The following RBFOX1 variants were observed in gnomAD, a reference collection of about 807,000 sequenced individuals.
The protein encoded by RBFOX1 is RNA binding fox-1 homolog 1.
In RBFOX1, 8 loss-of-function variants were observed where a neutral mutation model predicts 57.7. The observed-to-expected ratio is 0.14, with a 90% confidence interval of 0.08 to 0.25. RBFOX1 has a LOEUF of 0.25. RBFOX1 is among the 10% of genes least tolerant of loss of function. The pLI, the probability that RBFOX1 is intolerant of heterozygous loss-of-function variation, is 1.00. For missense variants in RBFOX1, 611 were observed against 548.5 expected, an observed-to-expected ratio of 1.11 and a Z score of -1.14; for synonymous variants, 326 against 222.4, an observed-to-expected ratio of 1.47 and a Z score of -4.15.
Position 7,417,289 on chromosome 16 carries a change from C to G in RBFOX1, c.28-100858C>G, listed in dbSNP as rs181522393. On this transcript the variant is annotated intron_variant, in intron 4 of 15. Coordinates refer to ENST00000550418, the MANE Select transcript of RBFOX1 (RefSeq NM_018723.4). ...TTAGGAAACTGAGACAGGGGAATCACTTGAACCTGGGAGGTGGAGGTTGCA... is the reference window on the plus strand; with the variant it reads ...TTAGGAAACTGAGACAGGGGAATCAGTTGAACCTGGGAGGTGGAGGTTGCA... Among the ~76,000 whole-genome samples, 47 of 149,216 alleles carry G rather than the reference C, an allele frequency of 3.1e-4. 1 individual carries two copies. The highest frequency in any genetic ancestry group is 3.1e-4 in the Non-Finnish European group (21 of 67,708).
chr16:7,518,716 A>G (rs1013943981), intron 5 of RBFOX1, among the ~76,000 whole-genome samples: 3 of 152,178 alleles, frequency 2.0e-5, no homozygotes, highest in Admixed American at 1.3e-4. Flanking sequence ...TTGATGTAAG[A>G]TAATTTTTCT....
rs575362604 is a variant in RBFOX1, at chr16:6,118,907, A to T, written c.-127+98915A>T. Among the ~76,000 whole-genome samples the T allele has an allele frequency of 6.8e-3, 1,036 of 151,838 alleles. 14 individuals carry two copies. The highest frequency in any genetic ancestry group is 0.024 in the African/African-American group (997 of 41,378). ...CATGACCTAATCATCTCCCAATACC[A>T]TCACATTAGTGATTAGGTTTCAACA... On this transcript the variant is annotated intron_variant, in intron 1 of 15. Coordinates refer to ENST00000550418, the MANE Select transcript of RBFOX1 (RefSeq NM_018723.4).
intron 3 of RBFOX1, among the ~76,000 whole-genome samples, chr16:6,930,379 C>T (rs750949180): frequency 3.9e-5 from 6 of 152,054 alleles, no homozygotes; most frequent in African/African-American, 1.2e-4. Flanking sequence ...CAATGAGATA[C>T]CACCTCACAC....
At chr16:7,308,667 C>T (rs1286195074) in intron 4 of RBFOX1, among the ~76,000 whole-genome samples, 2 of 152,146 alleles carry the variant, frequency 1.3e-5, no homozygotes, top group South Asian at 2.1e-4. Flanking sequence ...ATCTTCAGAT[C>T]GAAAGCAATT....
At chr16:5,955,326 TAAAA>T (rs1567187579) in intron 4 of RBFOX1, among the ~76,000 whole-genome samples, 1,136 of 62,898 alleles carry the variant, frequency 0.018, 52 homozygotes, top group Middle Eastern at 0.078. Context: ...TAAAATAAAA[TAAAA>T]TAAAATAAAA....
chr16:6,506,263 G>C (rs899899857), intron 2 of RBFOX1, among the ~76,000 whole-genome samples: 1 of 152,136 alleles, frequency 6.6e-6, no homozygotes, highest in African/African-American at 2.4e-5. Context: ...TGTGGGATGG[G>C]GGAGAGAATA....
intron 3 of RBFOX1, among the ~76,000 whole-genome samples, chr16:6,920,538 C>G (rs561881565): frequency 5.3e-4 from 81 of 152,294 alleles, no homozygotes; most frequent in African/African-American, 1.8e-3. Context: ...AAATGACCAG[C>G]TAGTGGCAGG....
intron 4 of RBFOX1, among the ~76,000 whole-genome samples, chr16:7,285,662 A>T (rs557982016): frequency 6.6e-6 from 1 of 151,870 alleles, no homozygotes; most frequent in Non-Finnish European, 1.5e-5. Context: ...ACATTTTTTG[A>T]TCAACGTAAT....
intron 4 of RBFOX1, among the ~76,000 whole-genome samples, chr16:7,342,144 C>T (rs117230827): frequency 6.6e-6 from 1 of 152,178 alleles, no homozygotes; most frequent in Non-Finnish European, 1.5e-5. Flanking sequence ...AAACCTGAGT[C>T]TGGCCATTAC....
intron 3 of RBFOX1, among the ~76,000 whole-genome samples, chr16:6,895,519 T>G (rs2066670098): frequency 7.1e-6 from 1 of 140,360 alleles, no homozygotes; most frequent in Non-Finnish European, 1.5e-5. Flanking sequence ...AGCTGTCGAT[T>G]CCTCTCATGA....
chr16:6,601,410 C>G (rs1170572074), intron 2 of RBFOX1, among the ~76,000 whole-genome samples: 1 of 152,060 alleles, frequency 6.6e-6, no homozygotes, highest in Non-Finnish European at 1.5e-5. Context: ...GGTATTGTGG[C>G]CAGACTCCGG....
At chr16:7,389,788 A>T (rs548131381) in intron 4 of RBFOX1, among the ~76,000 whole-genome samples, 8 of 152,250 alleles carry the variant, frequency 5.3e-5, no homozygotes, top group South Asian at 2.1e-4. Flanking sequence ...GAGTATATAG[A>T]ATGTTCCTTC....
chr16:6,002,194 C>T (rs560973849), intron 4 of RBFOX1, among the ~76,000 whole-genome samples: 1 of 152,126 alleles, frequency 6.6e-6, no homozygotes, highest in East Asian at 1.9e-4. Context: ...CCAGGCTGGT[C>T]TCAAATTCCT....
chr16:7,103,201 A>C (rs1599576353), intron 4 of RBFOX1, among the ~76,000 whole-genome samples: 2 of 152,124 alleles, frequency 1.3e-5, no homozygotes, highest in East Asian at 3.9e-4. Flanking sequence ...ATTTTTAAAG[A>C]GGGGATAAAA....
chr16:6,176,400 C>G (rs1170960404), intron 1 of RBFOX1, among the ~76,000 whole-genome samples: 1 of 149,312 alleles, frequency 6.7e-6, no homozygotes, highest in Non-Finnish European at 1.5e-5. Flanking sequence ...CTCAGGTCAT[C>G]CGCCCGCCTC....
chr16:5,593,803 G>A (rs1041808200), intron 2 of RBFOX1, among the ~76,000 whole-genome samples: 14 of 152,140 alleles, frequency 9.2e-5, no homozygotes, highest in African/African-American at 3.4e-4. Flanking sequence ...TAATCAACTT[G>A]CTTTTGCTTT....
intron 3 of RBFOX1, among the ~76,000 whole-genome samples, chr16:6,987,624 T>G (rs1238376875): frequency 1.3e-5 from 2 of 152,118 alleles, no homozygotes; most frequent in East Asian, 3.9e-4. Flanking sequence ...GAATTTCCAT[T>G]CCGTTGAAAT....
At chr16:5,832,199 C>T (rs1447491351) in intron 3 of RBFOX1, among the ~76,000 whole-genome samples, 1 of 152,220 alleles carries the variant, frequency 6.6e-6, no homozygotes, top group African/African-American at 2.4e-5. Context: ...AACAGGTAGG[C>T]TGGAGCTCAA....
chr16:7,704,823 G>A (rs1338199569), intron 14 of RBFOX1, among the ~76,000 whole-genome samples: 1 of 152,132 alleles, frequency 6.6e-6, no homozygotes. Flanking sequence ...GGCCAAGGCA[G>A]GCAGATCACT....
Sources: allele counts gnomAD v4.1 joint callset (sites outside exome capture counted in the v4.1 genomes callset), GRCh38; gene constraint gnomAD v4.1.1; transcripts MANE v1.5; gene names NCBI Gene and HGNC (gene_info 2026-07-23, HGNC 2026-07-21).